The following TBX19 variants were observed in gnomAD, a reference collection of about 807,000 sequenced individuals.
The protein encoded by TBX19 is T-box transcription factor 19, also known as T-box transcription factor TBX19.
A neutral mutation model predicts 40.9 loss-of-function variants in TBX19; 33 were observed. The ratio of observed to expected loss-of-function variants is 0.81; its 90% CI spans 0.61 to 1.08. The LOEUF is 1.08. Ranked by LOEUF, TBX19 falls within the 50% of genes least tolerant of loss-of-function variation. The probability of loss-of-function intolerance (pLI) is 0.00; values close to 1 mark genes in which losing one functional copy is unlikely to be tolerated. For synonymous variants in TBX19, 220 were observed against 225.0 expected (o/e 0.98, Z 0.20); for missense variants, 494 against 574.0 (o/e 0.86, Z 1.42).
intron 6 of TBX19, among the ~76,000 whole-genome samples, chr1:168,306,309 G>C (rs1043915600): frequency 1.3e-5 from 2 of 152,136 alleles, no homozygotes; most frequent in Non-Finnish European, 2.9e-5. Context: ...GTTCTTCTAG[G>C]CAGTGGGATA....
At position 168,314,134 on chromosome 1, in the gene TBX19, C is replaced by G. The variant is rs1050653106; in HGVS notation, c.*1132C>G. 6.5e-6 allele frequency: 1 copy of G among 153,004 alleles called. No homozygotes were observed. The highest frequency in any genetic ancestry group is 2.4e-5 in the African/African-American group (1 of 41,444). The allele number at this position is 153,004 out of a possible 1,614,324, so 9.5% of individuals were successfully genotyped here. A position where few individuals can be genotyped will look rare whatever the true frequency, so the allele number is the denominator to read the frequency against. Reference sequence around the variant, plus strand: ...TCCTCTTTTTTCCAGTTCACCTGTGCGAATCCGACCCACCTCCCAGAGCCT... The same window carrying G: ...TCCTCTTTTTTCCAGTTCACCTGTGGGAATCCGACCCACCTCCCAGAGCCT... On this transcript the variant is annotated 3_prime_UTR_variant, in exon 8 of 8. Coordinates refer to ENST00000367821, the MANE Select transcript of TBX19 (RefSeq NM_005149.3).
At chr1:168,286,873 C>T (rs901190003) in intron 1 of TBX19, among the ~76,000 whole-genome samples, 1 of 152,266 alleles carries the variant, frequency 6.6e-6, no homozygotes, top group Admixed American at 6.5e-5. Context: ...AATTTCTCTA[C>T]ATCTTCACCA....
intron 5 of TBX19, among the ~76,000 whole-genome samples, chr1:168,304,151 A>C (rs147368225): frequency 6.6e-6 from 1 of 152,224 alleles, no homozygotes. Context: ...TGCAATAAAG[A>C]AAGAGTTTAA....
intron 7 of TBX19, among the ~76,000 whole-genome samples, chr1:168,311,904 G>A (rs1456127860): frequency 6.6e-6 from 1 of 152,118 alleles, no homozygotes; most frequent in Non-Finnish European, 1.5e-5. Context: ...TCTGGGGCAG[G>A]GGAGTGGGGT....
At chr1:168,285,389 T>A (rs1572472525) in intron 1 of TBX19, among the ~76,000 whole-genome samples, 1 of 152,130 alleles carries the variant, frequency 6.6e-6, no homozygotes, top group African/African-American at 2.4e-5. Flanking sequence ...CTTTTTGAAT[T>A]TGCTTTTAAC....
chr1:168,289,896 A>G (rs1648896702), intron 1 of TBX19, among the ~76,000 whole-genome samples: 1 of 152,154 alleles, frequency 6.6e-6, no homozygotes, highest in African/African-American at 2.4e-5. Flanking sequence ...TTCTGGTGAT[A>G]TGAAGTCTAA....
intron 3 of TBX19, among the ~76,000 whole-genome samples, chr1:168,296,298 G>A (rs918976524): frequency 1.2e-4 from 18 of 152,108 alleles, no homozygotes; most frequent in Admixed American, 9.8e-4. Context: ...AGAAGGAGTT[G>A]GGCTCTGTAT....
intron 3 of TBX19, among the ~76,000 whole-genome samples, chr1:168,293,605 G>T (rs1039293975): frequency 6.6e-6 from 1 of 152,160 alleles, no homozygotes; most frequent in African/African-American, 2.4e-5. Flanking sequence ...GCAGAGCTGA[G>T]TGTGTCTTGA....
At chr1:168,292,519 G>A (rs903166444) in intron 2 of TBX19, among the ~76,000 whole-genome samples, 1 of 152,140 alleles carries the variant, frequency 6.6e-6, no homozygotes, top group African/African-American at 2.4e-5. Flanking sequence ...GCTGAAAATA[G>A]GGGAAGGAAA....
Position 168,291,473 on chromosome 1 carries a change from A to G in TBX19, c.468+49A>G, listed in dbSNP as rs1488628245. 4.3e-6 allele frequency: 7 copies of G among 1,613,386 alleles called. No individual in the cohort carries two copies. In the Admixed American group the frequency reaches 5.0e-5, roughly 12 times the overall value. On this transcript the variant is annotated intron_variant, in intron 2 of 7. Coordinates refer to ENST00000367821, the MANE Select transcript of TBX19 (RefSeq NM_005149.3). Reference sequence around the variant, plus strand: ...GGCCACCCGCTCCGGCCTCCCCACAACACCAATCAAGAAATATCAAGGGTG... The same window carrying G: ...GGCCACCCGCTCCGGCCTCCCCACAGCACCAATCAAGAAATATCAAGGGTG...
intron 4 of TBX19, among the ~76,000 whole-genome samples, chr1:168,299,876 A>G (rs1409734283): frequency 6.6e-6 from 1 of 152,232 alleles, no homozygotes; most frequent in Non-Finnish European, 1.5e-5. Context: ...GACACAATCT[A>G]GATTCAAAGT....
At chr1:168,290,930 A>G (rs1056256423) in intron 1 of TBX19, among the ~76,000 whole-genome samples, 7 of 152,198 alleles carry the variant, frequency 4.6e-5, no homozygotes, top group African/African-American at 1.7e-4. Context: ...AAATGACTCC[A>G]TCAGTGGTTT....
intron 2 of TBX19, 148 bp downstream of exon 2, chr1:168,291,572 T>A: frequency 9.8e-7 from 1 of 1,024,562 alleles, no homozygotes; most frequent in Non-Finnish European, 1.5e-6. Flanking sequence ...AGTCCAAATG[T>A]AAACAAGAAT....
intron 7 of TBX19, among the ~76,000 whole-genome samples, chr1:168,309,329 C>T (rs933944715): frequency 6.6e-6 from 1 of 152,092 alleles, no homozygotes; most frequent in African/African-American, 2.4e-5. Context: ...GCTGAGATTG[C>T]GCCATTGCAC....
chr1:168,284,176 CCT>C lies in TBX19; in HGVS notation c.203+2888_203+2889del, dbSNP rs930644942. Among the ~76,000 whole-genome samples, 31 of 152,098 alleles carry C rather than the reference CCT, an allele frequency of 2.0e-4. 1 individual carries two copies. Among genetic ancestry groups the C allele is most frequent in the African/African-American group, 7.5e-4 (31 of 41,482 alleles). On this transcript the variant is annotated intron_variant, in intron 1 of 7. Transcript: ENST00000367821. The stretch of plus-strand genomic sequence containing the variant: ...TTTCCCTTTCAGCCTTTTCTTCCTC[CCT>C]CTCTTTTTAAAATTGAAAACTTTCA...
chr1:168,308,715 C>T (rs771920337), intron 6 of TBX19, 27 bp from the exon 7 acceptor site: 7 of 1,614,068 alleles, frequency 4.3e-6, no homozygotes, highest in Non-Finnish European at 5.9e-6. Flanking sequence ...CATTTGCTAT[C>T]AATTCAACTG....
At chr1:168,287,049 GA>G (rs1648822681) in intron 1 of TBX19, among the ~76,000 whole-genome samples, 1 of 152,220 alleles carries the variant, frequency 6.6e-6, no homozygotes. Context: ...ACCATAGCAT[GA>G]AAGATGGAAA....
chr1:168,294,310 G>A (rs1409705023), intron 3 of TBX19, among the ~76,000 whole-genome samples: 1 of 151,584 alleles, frequency 6.6e-6, no homozygotes, highest in African/African-American at 2.4e-5. Context: ...CCCCACCAAT[G>A]GACATTTAAG....
At chr1:168,293,326 T>TG in intron 3 of TBX19, 48 bp downstream of exon 3, 1 of 1,514,348 alleles carries the variant, frequency 6.6e-7, no homozygotes, top group Non-Finnish European at 8.9e-7. Context: ...TGTGTGTGTG[T>TG]AACTGTCACC....
Sources: allele counts gnomAD v4.1 joint callset (sites outside exome capture counted in the v4.1 genomes callset), GRCh38; gene constraint gnomAD v4.1.1; transcripts MANE v1.5; gene names NCBI Gene and HGNC (gene_info 2026-07-23, HGNC 2026-07-21).